Variants in PARD3B observed in about 807,000 individuals in gnomAD.
PARD3B encodes the protein par-3 family cell polarity regulator beta.
In PARD3B, 103 loss-of-function variants were observed where a neutral mutation model predicts 130.2. The observed-to-expected ratio is 0.79, with a 90% confidence interval of 0.67 to 0.93. The LOEUF is 0.93. PARD3B is among the 40% of genes least tolerant of loss of function. The pLI is 0.00. For missense variants in PARD3B, 1,609 were observed against 1,499.2 expected, an observed-to-expected ratio of 1.07 and a Z score of -1.21; for synonymous variants, 583 against 553.2, an observed-to-expected ratio of 1.05 and a Z score of -0.76.
In PARD3B at chr2:205,158,397, G is replaced by C. The variant is rs557936362; in HGVS notation, c.1435-325G>C. ...CAGGGCACCCTAAGTCTAATGTCCA[G>C]CCTTTTTTATTATGGAGAATATCTT... On this transcript the variant is annotated intron_variant, in intron 10 of 22. Transcript: ENST00000406610. The surrounding 1 kb of genome is among the most constrained non-coding windows in gnomAD (Gnocchi z 5.4). 6.6e-6 allele frequency among the ~76,000 whole-genome samples: 1 copy of C among 152,204 alleles called. No homozygotes were observed. Among genetic ancestry groups the C allele is most frequent in the African/African-American group, 2.4e-5 (1 of 41,544 alleles).
intron 1 of PARD3B, among the ~76,000 whole-genome samples, chr2:204,573,318 T>C (rs553642261): frequency 3.5e-4 from 53 of 152,314 alleles, no homozygotes; most frequent in African/African-American, 1.2e-3. Flanking sequence ...GTAGTGGTGA[T>C]GGTGATGATA....
In PARD3B at chr2:205,065,443, TA is replaced by T. The variant is rs1222367068; in HGVS notation, c.504+17754del. On this transcript the variant is annotated intron_variant, in intron 4 of 22. Coordinates refer to ENST00000406610, the MANE Select transcript of PARD3B (RefSeq NM_001302769.2). The stretch of plus-strand genomic sequence containing the variant: ...GCCATAAAGATATCCTGACCCAATA[TA>T]TAATTTAAACCCTAAATACGTATTT... 2.6e-5 allele frequency among the ~76,000 whole-genome samples: 4 copies of T among 152,332 alleles called. No individual in the cohort carries two copies. The East Asian group carries it at 7.7e-4, about 29-fold the overall frequency.
intron 1 of PARD3B, among the ~76,000 whole-genome samples, chr2:204,640,702 T>A (rs149979401): frequency 1.6e-3 from 236 of 152,220 alleles, no homozygotes; most frequent in Non-Finnish European, 2.8e-3. Context: ...CCATCTCTTC[T>A]TGCCCAGGTC....
chr2:205,180,703 T>C (rs924655944), intron 13 of PARD3B, among the ~76,000 whole-genome samples: 1 of 152,206 alleles, frequency 6.6e-6, no homozygotes, highest in Admixed American at 6.5e-5. Context: ...TCTTGGTTTT[T>C]ATTTTTTTTA....
chr2:205,217,101 A>C lies in PARD3B; in HGVS notation c.2140+23781A>C, dbSNP rs186205195. Among the ~76,000 whole-genome samples the C allele has an allele frequency of 2.2e-4, 33 of 152,316 alleles. No individual in the cohort carries two copies. The East Asian group carries it at 4.3e-3, about 20-fold the overall frequency. ...TCAGGAAATCCAGTATCAGCTAAGAAGTGCTGTCCAGCAAACTTCTACTCT... is the reference window on the plus strand; with the variant it reads ...TCAGGAAATCCAGTATCAGCTAAGACGTGCTGTCCAGCAAACTTCTACTCT... On this transcript the variant is annotated intron_variant, in intron 15 of 22. Coordinates refer to ENST00000406610, the MANE Select transcript of PARD3B (RefSeq NM_001302769.2).
chr2:205,603,530 G>A (rs545600284), intron 22 of PARD3B, among the ~76,000 whole-genome samples: 1 of 152,148 alleles, frequency 6.6e-6, no homozygotes, highest in South Asian at 2.1e-4. Context: ...GAATCTGGGT[G>A]CTCCTGTATT....
intron 15 of PARD3B, among the ~76,000 whole-genome samples, chr2:205,222,644 G>A (rs980426838): frequency 5.3e-5 from 8 of 152,284 alleles, no homozygotes; most frequent in East Asian, 1.9e-4. Context: ...AATAATGGCC[G>A]TTTGCCTTAA....
In PARD3B at chr2:204,935,373, CAAAAAAAAAAA is replaced by C. The variant is rs3067765; in HGVS notation, c.223-29773_223-29763del. On this transcript the variant is annotated intron_variant, in intron 2 of 22. Transcript: ENST00000406610. ...TGAAACCCTGTCTCTACTAAAAATA[CAAAAAAAAAAA>C]AAAAATTAGCCTGGCATGGTGACGG... Among the ~76,000 whole-genome samples, 199 of 128,760 alleles carry C rather than the reference CAAAAAAAAAAA, an allele frequency of 1.5e-3. 1 individual carries two copies. Among genetic ancestry groups the C allele is most frequent in the Non-Finnish European group, 2.3e-3 (140 of 61,794 alleles). 84.5% of individuals were successfully genotyped at this position (128,760 alleles called of 152,430 possible).
chr2:205,174,879 GT>G (rs1559510142), intron 12 of PARD3B, among the ~76,000 whole-genome samples: 1 of 151,646 alleles, frequency 6.6e-6, no homozygotes, highest in Non-Finnish European at 1.5e-5. Flanking sequence ...AATCAAAATT[GT>G]TTTAAACAGA....
intron 2 of PARD3B, among the ~76,000 whole-genome samples, chr2:204,878,455 T>C (rs1177305427): frequency 6.6e-6 from 1 of 152,180 alleles, no homozygotes; most frequent in Non-Finnish European, 1.5e-5. Context: ...CTTAAATGGA[T>C]TCTTTTGCCA....
intron 4 of PARD3B, among the ~76,000 whole-genome samples, chr2:205,054,438 T>TTATATATATATATA: frequency 2.5e-5 from 1 of 40,128 alleles, no homozygotes; most frequent in African/African-American, 1.1e-4. Context: ...ATATATATAT[T>TTATATATATATATA]TTTTTTTTTT....
intron 1 of PARD3B, among the ~76,000 whole-genome samples, chr2:204,614,627 T>C (rs982396616): frequency 1.3e-4 from 20 of 152,298 alleles, no homozygotes; most frequent in African/African-American, 4.3e-4. Flanking sequence ...ATCCCCATTG[T>C]TGGAGGTGGG....
chr2:205,219,070 ACT>A (rs1357108566), intron 15 of PARD3B, among the ~76,000 whole-genome samples: 1 of 147,594 alleles, frequency 6.8e-6, no homozygotes, highest in East Asian at 2.0e-4. Context: ...ACAAAGGGAG[ACT>A]CTGTTTAAAA....
intron 3 of PARD3B, among the ~76,000 whole-genome samples, chr2:204,969,255 G>A (rs1691498570): frequency 1.3e-5 from 2 of 152,160 alleles, no homozygotes; most frequent in Admixed American, 1.3e-4. Context: ...ATGTATTAGG[G>A]TTTCAATGGA....
intron 1 of PARD3B, among the ~76,000 whole-genome samples, chr2:204,680,101 C>T (rs916014936): frequency 6.6e-6 from 1 of 151,840 alleles, no homozygotes; most frequent in African/African-American, 2.4e-5. Flanking sequence ...GAATTTTTCT[C>T]TTTTTCTAGT....
intron 2 of PARD3B, among the ~76,000 whole-genome samples, chr2:204,783,243 G>A (rs1417456119): frequency 6.6e-6 from 1 of 152,116 alleles, no homozygotes; most frequent in East Asian, 1.9e-4. Context: ...GGAACCTGGT[G>A]TAATCATAAT....
chr2:204,799,297 C>T lies in PARD3B; in HGVS notation c.222+113015C>T, dbSNP rs1403466945. Among the ~76,000 whole-genome samples the T allele has an allele frequency of 1.3e-5, 2 of 152,174 alleles. No homozygotes were observed. Among genetic ancestry groups the T allele is most frequent in the Non-Finnish European group, 2.9e-5 (2 of 68,042 alleles). ...AAACTCCCTCTGCATGAAGAAAGGACAGGGAAGAGTGGGGAGGACTTTGTC... is the reference window on the plus strand; with the variant it reads ...AAACTCCCTCTGCATGAAGAAAGGATAGGGAAGAGTGGGGAGGACTTTGTC... On this transcript the variant is annotated intron_variant, in intron 2 of 22. Coordinates refer to ENST00000406610, the MANE Select transcript of PARD3B (RefSeq NM_001302769.2). This position sits in a 1 kb window ranked among gnomAD's most constrained non-coding sequence, Gnocchi z 4.1.
chr2:204,933,458 T>C lies in PARD3B; in HGVS notation c.223-31694T>C, dbSNP rs146389096. Among the ~76,000 whole-genome samples the C allele has an allele frequency of 6.8e-4, 103 of 152,336 alleles. 1 individual carries two copies. The highest frequency in any genetic ancestry group is 2.2e-3 in the African/African-American group (90 of 41,580). ...ATGAAGTGTGGCTTTATTAAGTGTT[T>C]TGTTCATTTTATAGAAAATGTTATG... On this transcript the variant is annotated intron_variant, in intron 2 of 22. Transcript: ENST00000406610.
intron 2 of PARD3B, among the ~76,000 whole-genome samples, chr2:204,720,500 A>G (rs1250995476): frequency 6.6e-6 from 1 of 152,244 alleles, no homozygotes; most frequent in African/African-American, 2.4e-5. Context: ...GGAAAAGTAT[A>G]CCATTAAACA....
Sources: gnomAD v4.1 joint callset for allele counts (sites outside exome capture counted in the v4.1 genomes callset) on GRCh38, gnomAD v4.1.1 for gene constraint, Gnocchi (gnomAD v3.1) non-coding constraint, MANE v1.5 for transcripts, NCBI Gene and HGNC (gene_info 2026-07-23, HGNC 2026-07-21) for gene names.